Variants in RAB5B observed in about 807,000 individuals in gnomAD.
RAB5B encodes ras-related protein Rab-5B.
Under a neutral mutation model 28.6 loss-of-function variants are expected in RAB5B, and 11 were observed. That is an observed-to-expected ratio of 0.38 (90% CI 0.24 to 0.64). The LOEUF (loss-of-function observed/expected upper bound fraction) is 0.64, where lower values mean the gene tolerates loss of function less well. Among genes scored for constraint, RAB5B ranks in the 30% least tolerant of loss-of-function variants. The pLI is 0.53. For missense variants in RAB5B, 169 were observed against 265.6 expected, an observed-to-expected ratio of 0.64 and a Z score of 2.53; for synonymous variants, 93 against 97.9, an observed-to-expected ratio of 0.95 and a Z score of 0.29.
chr12:55,984,900 A>G (rs1402078036), intron 1 of RAB5B, among the ~76,000 whole-genome samples: 1 of 152,190 alleles, frequency 6.6e-6, no homozygotes, highest in African/African-American at 2.4e-5. Context: ...TATTTTTTCC[A>G]TTTTACAAAG....
chr12:55,990,392 AG>A (rs1890078108), intron 3 of RAB5B, among the ~76,000 whole-genome samples: 1 of 151,926 alleles, frequency 6.6e-6, no homozygotes, highest in Admixed American at 6.6e-5. Flanking sequence ...TCGGCGACAG[AG>A]CAAAACTCCG....
intron 1 of RAB5B, among the ~76,000 whole-genome samples, chr12:55,975,755 C>G (rs1436660497): frequency 2.0e-5 from 3 of 150,006 alleles, no homozygotes; most frequent in African/African-American, 7.4e-5. Flanking sequence ...TCCTCCTTTT[C>G]TGCGTCTCTA....
intron 1 of RAB5B, chr12:55,985,724 G>T (rs538736359): frequency 2.2e-5 from 10 of 456,000 alleles, no homozygotes; most frequent in African/African-American, 6.0e-5. Flanking sequence ...TCTTTAGAAG[G>T]TATACCTTTC....
chr12:55,982,799 TC>T (rs959576838), intron 1 of RAB5B, among the ~76,000 whole-genome samples: 12 of 152,094 alleles, frequency 7.9e-5, no homozygotes, highest in African/African-American at 1.9e-4. Flanking sequence ...GTCTTTACAC[TC>T]CCCCAGAGCT....
At chr12:55,985,851 T>C in intron 1 of RAB5B, 1 of 347,636 alleles carries the variant, frequency 2.9e-6, no homozygotes, top group Non-Finnish European at 5.8e-6. Context: ...TTACTGATTC[T>C]TGATAGACTT....
intron 1 of RAB5B, chr12:55,985,567 C>T: frequency 2.8e-6 from 1 of 352,366 alleles, no homozygotes; most frequent in South Asian, 2.1e-5. Context: ...ATCTCAAAGT[C>T]CCAACTCTTC....
Position 55,996,005 on chromosome 12 carries a change from T to TATATA in RAB5B, c.*3793_*3794insATATA, listed in dbSNP as rs1307364824. On this transcript the variant is annotated 3_prime_UTR_variant, in exon 6 of 6. Coordinates refer to ENST00000360299, the MANE Select transcript of RAB5B (RefSeq NM_002868.4). ...TATACATATATATATATATATATAT[T>TATATA]TTTTTTTTAACAACTGGTAGGATAG... The TATATA allele has an allele frequency of 2.1e-5, 2 of 96,136 alleles. No individual in the cohort carries two copies. The highest frequency in any genetic ancestry group is 4.5e-5 in the African/African-American group (1 of 22,106). The allele number at this position is 96,136 out of a possible 1,614,324, so 6.0% of individuals were successfully genotyped here.
chr12:55,975,975 C>A (rs972449859), intron 1 of RAB5B, among the ~76,000 whole-genome samples: 1 of 152,070 alleles, frequency 6.6e-6, no homozygotes, highest in Non-Finnish European at 1.5e-5. Context: ...TGGTCTCAAT[C>A]TCTTGACCTC....
intron 2 of RAB5B, 120 bp from the exon 3 acceptor site, chr12:55,989,827 C>A: frequency 8.3e-7 from 1 of 1,210,532 alleles, no homozygotes; most frequent in Non-Finnish European, 1.2e-6. Flanking sequence ...TTTCCTGTAG[C>A]TGACTATCCT....
intron 5 of RAB5B, 183 bp from the exon 6 acceptor site, chr12:55,991,914 A>C (rs879179286): frequency 1.8e-6 from 1 of 554,742 alleles, no homozygotes; most frequent in South Asian, 2.1e-5. Context: ...CAACAGAGCG[A>C]GACTCCATCT....
At chr12:55,984,143 C>G (rs938996101) in intron 1 of RAB5B, among the ~76,000 whole-genome samples, 3 of 151,536 alleles carry the variant, frequency 2.0e-5, no homozygotes, top group Non-Finnish European at 4.4e-5. Flanking sequence ...CTCAGCCTCC[C>G]GAGTAGGATT....
Position 55,979,969 on chromosome 12 carries a change from T to C in RAB5B, c.-93+5830T>C, listed in dbSNP as rs1889754812. On this transcript the variant is annotated intron_variant, in intron 1 of 5. Transcript: ENST00000360299. ...TTATTTTATTTTTTATTTATTTATT[T>C]ATTTTTTGTGCAAATGGTGGCCTTT... is the stretch of plus-strand genomic sequence containing the variant. Among the ~76,000 whole-genome samples the C allele has an allele frequency of 2.0e-5, 3 of 152,312 alleles. No homozygotes were observed. The South Asian group carries it at 6.2e-4, about 32-fold the overall frequency.
At position 55,995,705 on chromosome 12, in the gene RAB5B, C is replaced by T. The variant is rs989997119; in HGVS notation, c.*3493C>T. On this transcript the variant is annotated 3_prime_UTR_variant, in exon 6 of 6. Transcript: ENST00000360299. ...CTAGGCCTGTCTCTGTCAACTTAAC[C>T]AGCTGTGGCCTTGATCAAGTTAGTT... 2.0e-5 allele frequency: 3 copies of T among 152,094 alleles called. No individual in the cohort carries two copies. The highest frequency in any genetic ancestry group is 7.2e-5 in the African/African-American group (3 of 41,398). The allele number at this position is 152,094 out of a possible 1,614,324, so 9.4% of individuals were successfully genotyped here. A position where few individuals can be genotyped will look rare whatever the true frequency, so the allele number is the denominator to read the frequency against.
chr12:55,996,248 G>T lies in RAB5B; in HGVS notation c.*4036G>T, dbSNP rs1458431121. The T allele has an allele frequency of 6.6e-6, 1 of 151,734 alleles. No individual in the cohort carries two copies. Among genetic ancestry groups the T allele is most frequent in the Non-Finnish European group, 1.5e-5 (1 of 67,990 alleles). The allele number at this position is 151,734 out of a possible 1,614,324, so 9.4% of individuals were successfully genotyped here. On this transcript the variant is annotated 3_prime_UTR_variant, in exon 6 of 6. Coordinates refer to ENST00000360299, the MANE Select transcript of RAB5B (RefSeq NM_002868.4). ...AGGAAATGATCTTTCAAAATTAAAG[G>T]TGAACACCTTCACTTAAACTGATTA...
chr12:55,980,642 A>C (rs1592795450), intron 1 of RAB5B: 1 of 1,597,602 alleles, frequency 6.3e-7, no homozygotes, highest in Non-Finnish European at 8.6e-7. Context: ...CTCCTTCTGC[A>C]CCTTCCTCTT....
intron 2 of RAB5B, among the ~76,000 whole-genome samples, chr12:55,987,921 C>T (rs61937248): frequency 0.24 from 35,931 of 151,312 alleles, 5,066 homozygotes; most frequent in Non-Finnish European, 0.32. Context: ...CCAAGGCAGG[C>T]GGATCACTTG....
In RAB5B at chr12:55,993,211, GT is replaced by G. The variant is rs1890190218; in HGVS notation, c.*1003del. ...TGATGGTAGTTCAGTTGGGGTACTTGTTTTATGGAAGTTTTGATTGATTTAC... is the reference window on the plus strand; with the variant it reads ...TGATGGTAGTTCAGTTGGGGTACTTGTTTATGGAAGTTTTGATTGATTTAC... On this transcript the variant is annotated 3_prime_UTR_variant, in exon 6 of 6. Transcript: ENST00000360299. 6.6e-6 allele frequency: 1 copy of G among 152,572 alleles called. No homozygotes were observed. The highest frequency in any genetic ancestry group is 1.5e-5 in the Non-Finnish European group (1 of 68,038). 9.5% of individuals were successfully genotyped at this position (152,572 alleles called of 1,614,324 possible).
intron 2 of RAB5B, among the ~76,000 whole-genome samples, chr12:55,989,246 CTCTAATTAAT>C (rs1449936184): frequency 6.6e-6 from 1 of 151,228 alleles, no homozygotes; most frequent in Non-Finnish European, 1.5e-5. Flanking sequence ...CCAGCCAATC[CTCTAATTAAT>C]TCTTTTGTTT....
chr12:55,974,827 G>C (rs1158687233), intron 1 of RAB5B, among the ~76,000 whole-genome samples: 3 of 152,062 alleles, frequency 2.0e-5, no homozygotes, highest in Non-Finnish European at 2.9e-5. Context: ...GGGGGCTCTG[G>C]GTCTTGGGAG....
Sources: gnomAD v4.1 joint callset for allele counts (sites outside exome capture counted in the v4.1 genomes callset) on GRCh38, gnomAD v4.1.1 for gene constraint, MANE v1.5 for transcripts, NCBI Gene and HGNC (gene_info 2026-07-23, HGNC 2026-07-21) for gene names.